Variants in ASXL1 observed in about 807,000 individuals in gnomAD.
ASXL1 encodes the protein polycomb group protein ASXL1.
ASXL1 carries 65 observed loss-of-function variants against 89.1 expected under a neutral mutation model. The ratio of observed to expected loss-of-function variants is 0.73; its 90% CI spans 0.60 to 0.90. ASXL1 has a LOEUF of 0.90. Ranked by LOEUF, ASXL1 falls within the 40% of genes least tolerant of loss-of-function variation. The probability of loss-of-function intolerance (pLI) is 0.00; values close to 1 mark genes in which losing one functional copy is unlikely to be tolerated. For missense variants in ASXL1, 1,786 were observed against 1,942.9 expected, an observed-to-expected ratio of 0.92 and a Z score of 1.52; for synonymous variants, 739 against 746.9, an observed-to-expected ratio of 0.99 and a Z score of 0.17.
At chr20:32,398,487 G>A (rs918448666) in intron 4 of ASXL1, among the ~76,000 whole-genome samples, 9 of 151,358 alleles carry the variant, frequency 5.9e-5, no homozygotes, top group Non-Finnish European at 1.2e-4. Flanking sequence ...CCCTTCACTC[G>A]CTTCTGGCAA....
intron 3 of ASXL1, 102 bp downstream of exon 3, chr20:32,367,831 G>A (rs1244496405): frequency 1.3e-6 from 1 of 770,474 alleles, no homozygotes; most frequent in Non-Finnish European, 2.4e-6. Context: ...CTCATGATGA[G>A]TGAGCAGCTC....
chr20:32,358,708 G>A lies in ASXL1; in HGVS notation c.-68G>A, dbSNP rs2122753934. On this transcript the variant is annotated 5_prime_UTR_variant, in exon 1 of 13. Coordinates refer to ENST00000375687, the MANE Select transcript of ASXL1 (RefSeq NM_015338.6). ...CCACCGCCGCCGCCGCCCCAGCCCC[G>A]CGCCACCGCCCCAGCCCGCCCAGCC... 12 of 976,114 alleles carry A rather than the reference G, an allele frequency of 1.2e-5. No homozygotes were observed. In the South Asian group the frequency reaches 2.0e-4, roughly 16 times the overall value. 60.5% of individuals were successfully genotyped at this position (976,114 alleles called of 1,614,324 possible).
At chr20:32,359,910 C>G (rs557016069) in intron 1 of ASXL1, 66 of 709,300 alleles carry the variant, frequency 9.3e-5, no homozygotes, top group South Asian at 6.9e-4. Flanking sequence ...TTCCTAAGAT[C>G]TGTCACACAG....
intron 4 of ASXL1, among the ~76,000 whole-genome samples, chr20:32,389,410 A>G (rs1321921452): frequency 6.6e-6 from 1 of 152,066 alleles, no homozygotes; most frequent in Non-Finnish European, 1.5e-5. Flanking sequence ...AGCTGCATTT[A>G]GTGCTTGTGT....
chr20:32,424,244 T>C (rs758530171), intron 4 of ASXL1, among the ~76,000 whole-genome samples: 7 of 152,164 alleles, frequency 4.6e-5, no homozygotes, highest in Non-Finnish European at 8.8e-5. Context: ...ACTAAAACTC[T>C]ACCACCTAGG....
At chr20:32,396,195 T>A (rs1365997852) in intron 4 of ASXL1, among the ~76,000 whole-genome samples, 4 of 152,220 alleles carry the variant, frequency 2.6e-5, no homozygotes, top group Non-Finnish European at 5.9e-5. Flanking sequence ...TGATTCTGTC[T>A]CTATATCATC....
chr20:32,373,240 G>A (rs926796290), intron 4 of ASXL1, among the ~76,000 whole-genome samples: 1 of 151,748 alleles, frequency 6.6e-6, no homozygotes, highest in Non-Finnish European at 1.5e-5. Flanking sequence ...AGCCGGGCGT[G>A]GTTGTGCACG....
chr20:32,371,990 T>G, intron 4 of ASXL1: 1 of 572,444 alleles, frequency 1.7e-6, no homozygotes, highest in East Asian at 5.6e-5. Flanking sequence ...CAAATATGCC[T>G]GTTAATGGTA....
At chr20:32,406,494 C>T (rs1292011276) in intron 4 of ASXL1, among the ~76,000 whole-genome samples, 3 of 152,112 alleles carry the variant, frequency 2.0e-5, no homozygotes, top group Admixed American at 1.3e-4. Flanking sequence ...AAGGCTACAG[C>T]GAGCCGAGAT....
chr20:32,409,192 C>T (rs2049004740), intron 4 of ASXL1, among the ~76,000 whole-genome samples: 1 of 152,088 alleles, frequency 6.6e-6, no homozygotes, highest in African/African-American at 2.4e-5. Context: ...CCAGGCTGTT[C>T]TCAAACTCTT....
intron 4 of ASXL1, among the ~76,000 whole-genome samples, chr20:32,411,002 A>T (rs1280228517): frequency 2.2e-5 from 3 of 139,164 alleles, no homozygotes; most frequent in Non-Finnish European, 3.1e-5. Context: ...ACTGCACTCC[A>T]GCCTGGGCAA....
Position 32,434,882 on chromosome 20 carries a change from C to A in ASXL1, c.2170C>A (p.Leu724Met). 1.2e-6 allele frequency: 2 copies of A among 1,614,170 alleles called. No individual in the cohort carries two copies. Among genetic ancestry groups the A allele is most frequent in the Non-Finnish European group, 1.7e-6 (2 of 1,180,024 alleles). The part of the protein sequence containing the change: ...SRARREDLPS[L>M]RKEESCLLQR... ...AGCTAGGAGAGAGGACCTGCCTTCTCTGAGAAAGGAGGAAAGCTGCCTACT... is the reference window on the plus strand; with the variant it reads ...AGCTAGGAGAGAGGACCTGCCTTCTATGAGAAAGGAGGAAAGCTGCCTACT... Residue 724 changes from leucine to methionine, a missense_variant, in exon 13 of 13, where the codon CTG becomes ATG. Leu to Met is a conservative substitution (Grantham distance 15). Transcript: ENST00000375687.
At position 32,436,229 on chromosome 20, in the gene ASXL1, T is replaced by A; in HGVS notation, c.3517T>A (p.Leu1173Met). 1 of 1,614,230 alleles carries A rather than the reference T, an allele frequency of 6.2e-7. No homozygotes were observed. The highest frequency in any genetic ancestry group is 1.3e-5 in the African/African-American group (1 of 75,058). Residue 1173 changes from leucine to methionine, a missense_variant, in exon 13 of 13, where the codon TTG becomes ATG. Around this residue, in one of 3 missense-constraint regions of ASXL1, gnomAD observed 1,418 missense variants for 1,427.8 expected, o/e 0.99. Coordinates refer to ENST00000375687, the MANE Select transcript of ASXL1 (RefSeq NM_015338.6). ...AAGCAGCCCCAGTTCTTTAAGGGCTTTGAAGGAGCCTCTTCTGCCAGATAG... is the reference window on the plus strand; with the variant it reads ...AAGCAGCCCCAGTTCTTTAAGGGCTATGAAGGAGCCTCTTCTGCCAGATAG... ...DGSSPSSLRALKEPLLPDSCE... is the reference protein window; with the variant it reads ...DGSSPSSLRAMKEPLLPDSCE...
chr20:32,434,404 A>G (rs2011647934), intron 12 of ASXL1, 28 bp from the exon 13 acceptor site: 1 of 1,613,278 alleles, frequency 6.2e-7, no homozygotes, highest in Non-Finnish European at 8.5e-7. Flanking sequence ...CAGTCAGTTA[A>G]AACTATTTTC....
At chr20:32,361,172 C>G (rs11699120) in intron 1 of ASXL1, among the ~76,000 whole-genome samples, 3 of 152,010 alleles carry the variant, frequency 2.0e-5, no homozygotes, top group African/African-American at 4.8e-5. Flanking sequence ...AACATAGACC[C>G]GGTCTCTACA....
intron 4 of ASXL1, among the ~76,000 whole-genome samples, chr20:32,399,745 C>CTATTTTTTTTTTTTTTTTTTTTT (rs1600525633): frequency 6.0e-5 from 4 of 66,614 alleles, no homozygotes; most frequent in Non-Finnish European, 8.9e-5. Context: ...ACATATTTTA[C>CTATTTTTTTTTTTTTTTTTTTTT]TCTTTTTTTT....
chr20:32,426,828 G>A (rs1417967371), intron 4 of ASXL1, among the ~76,000 whole-genome samples: 1 of 151,906 alleles, frequency 6.6e-6, no homozygotes, highest in East Asian at 1.9e-4. Context: ...AAAGTGCTGG[G>A]ATTACAGGTG....
intron 4 of ASXL1, among the ~76,000 whole-genome samples, chr20:32,421,421 A>G (rs1413768491): frequency 6.6e-6 from 1 of 152,136 alleles, no homozygotes; most frequent in African/African-American, 2.4e-5. Context: ...GAGGATTTGG[A>G]TCAACTGGAA....
intron 4 of ASXL1, among the ~76,000 whole-genome samples, chr20:32,384,198 GTTTTTTTTTTT>G (rs71187115): frequency 2.6e-5 from 2 of 77,304 alleles, no homozygotes; most frequent in Admixed American, 1.6e-4. Flanking sequence ...GCAGCAGTCT[GTTTTTTTTTTT>G]TTTTTTTTTT....
Sources: allele counts gnomAD v4.1 joint callset (sites outside exome capture counted in the v4.1 genomes callset), GRCh38; gene constraint gnomAD v4.1.1; regional missense constraint gnomAD v4.1.1; transcripts MANE v1.5; gene names NCBI Gene and HGNC (gene_info 2026-07-23, HGNC 2026-07-21).